Variants in DYNLRB1 observed in about 807,000 individuals in gnomAD.
DYNLRB1 encodes the protein dynein light chain roadblock-type 1, also known as ROBL/LC7-like 1.
DYNLRB1 carries 6 observed loss-of-function variants against 13.5 expected under a neutral mutation model. The ratio of observed to expected loss-of-function variants is 0.44; its 90% CI spans 0.24 to 0.88. The LOEUF (loss-of-function observed/expected upper bound fraction) is 0.88, where lower values mean the gene tolerates loss of function less well. DYNLRB1 is among the 40% of genes least tolerant of loss of function. The pLI is 0.21. For missense variants in DYNLRB1, 93 were observed against 127.2 expected (o/e 0.73, Z 1.29); for synonymous variants, 43 against 45.0 (o/e 0.96, Z 0.18).
intron 2 of DYNLRB1, chr20:34,530,307 C>T: frequency 1.0e-6 from 1 of 1,000,906 alleles, no homozygotes. Context: ...CAGAATGAGC[C>T]CACCTGGCTT....
intron 3 of DYNLRB1, chr20:34,536,141 AT>A: frequency 1.0e-6 from 1 of 985,462 alleles, no homozygotes; most frequent in Non-Finnish European, 1.2e-6. Flanking sequence ...TCCAGAGTCT[AT>A]TATTCCAAAA....
At chr20:34,523,328 C>G (rs533144243) in intron 1 of DYNLRB1, among the ~76,000 whole-genome samples, 1 of 152,316 alleles carries the variant, frequency 6.6e-6, no homozygotes, top group Admixed American at 6.5e-5. Flanking sequence ...TTGGAAGCAT[C>G]AGGTCTTGTC....
intron 2 of DYNLRB1, among the ~76,000 whole-genome samples, chr20:34,528,697 G>A (rs1240980505): frequency 2.6e-5 from 4 of 152,194 alleles, no homozygotes; most frequent in Non-Finnish European, 4.4e-5. Context: ...TGGGCGTGGT[G>A]CATGGTTGCT....
chr20:34,528,576 G>A (rs1980445127), intron 2 of DYNLRB1, among the ~76,000 whole-genome samples: 1 of 152,116 alleles, frequency 6.6e-6, no homozygotes, highest in African/African-American at 2.4e-5. Flanking sequence ...CCTTTGATTT[G>A]GTAATTCTTG....
chr20:34,532,674 G>A (rs1482688609), intron 2 of DYNLRB1, among the ~76,000 whole-genome samples: 1 of 152,214 alleles, frequency 6.6e-6, no homozygotes, highest in Non-Finnish European at 1.5e-5. Context: ...TGGCCATCCA[G>A]GAGCCAGCAG....
chr20:34,529,729 CAA>C (rs111373342), intron 2 of DYNLRB1: 10,383 of 783,772 alleles, frequency 0.013, no homozygotes, highest in East Asian at 0.022. Context: ...AACTCGGTCT[CAA>C]AAAAAAAAAA....
chr20:34,529,745 A>AAGG, intron 2 of DYNLRB1: 1 of 1,068,478 alleles, frequency 9.4e-7, no homozygotes. Context: ...AAAAAAAAAA[A>AAGG]TGTTGATTTC....
In DYNLRB1 at chr20:34,540,598, A is replaced by G. The variant is rs1981500877; in HGVS notation, c.265A>G (p.Ile89Val). 1 of 1,613,518 alleles carries G rather than the reference A, an allele frequency of 6.2e-7. No homozygotes were observed. Among genetic ancestry groups the G allele is most frequent in the Admixed American group, 1.7e-5 (1 of 59,954 alleles). ...MVAPDKDYFLIVIQNPTE is the reference protein window; with the variant it reads ...MVAPDKDYFLVVIQNPTE ...TTTTGCAGATAAAGACTATTTCCTGATTGTGATTCAGAATCCAACCGAATA... is the reference window on the plus strand; with the variant it reads ...TTTTGCAGATAAAGACTATTTCCTGGTTGTGATTCAGAATCCAACCGAATA... The change falls in exon 4 of 4, where the codon ATT becomes GTT. Residue 89 changes from isoleucine to valine, a missense_variant. Ile to Val is a conservative substitution (Grantham distance 29). Transcript: ENST00000357156.
At chr20:34,533,140 A>G (rs1227046326) in intron 2 of DYNLRB1, among the ~76,000 whole-genome samples, 1 of 152,224 alleles carries the variant, frequency 6.6e-6, no homozygotes, top group East Asian at 1.9e-4. Context: ...CCTCTGTGAC[A>G]GTAGGCACCG....
intron 2 of DYNLRB1, among the ~76,000 whole-genome samples, chr20:34,529,096 C>G (rs1980495763): frequency 1.3e-5 from 2 of 152,192 alleles, no homozygotes; most frequent in African/African-American, 4.8e-5. Context: ...GGAAGTGGTA[C>G]AGCAGTGCCT....
intron 2 of DYNLRB1, among the ~76,000 whole-genome samples, chr20:34,528,754 T>C (rs568862108): frequency 6.6e-6 from 1 of 152,168 alleles, no homozygotes; most frequent in East Asian, 1.9e-4. Context: ...GACGATTGCT[T>C]GAGCCAAGGG....
At chr20:34,536,533 T>G (rs1981155148) in intron 3 of DYNLRB1, 1 of 957,476 alleles carries the variant, frequency 1.0e-6, no homozygotes, top group Non-Finnish European at 1.2e-6. Flanking sequence ...GATCACAAGG[T>G]CAGGAGTTCA....
chr20:34,519,686 G>GT (rs1261619951), intron 1 of DYNLRB1, among the ~76,000 whole-genome samples: 12 of 152,106 alleles, frequency 7.9e-5, no homozygotes, highest in Non-Finnish European at 1.3e-4. Context: ...GTGGTGTATA[G>GT]TTTTTTTATT....
chr20:34,516,145 T>G (rs987857191), upstream of DYNLRB1, among the ~76,000 whole-genome samples: 2 of 152,226 alleles, frequency 1.3e-5, no homozygotes, highest in Admixed American at 1.3e-4. Flanking sequence ...TCCTTCCGAC[T>G]CGGCCTCCCA....
intron 2 of DYNLRB1, among the ~76,000 whole-genome samples, chr20:34,531,515 T>G (rs1980712058): frequency 6.6e-6 from 1 of 152,252 alleles, no homozygotes; most frequent in Admixed American, 6.5e-5. Flanking sequence ...TCTTTTGTTT[T>G]TGGAGTGAGC....
intron 1 of DYNLRB1, among the ~76,000 whole-genome samples, chr20:34,517,598 A>C (rs1979346407): frequency 6.6e-6 from 1 of 151,362 alleles, no homozygotes; most frequent in African/African-American, 2.4e-5. Context: ...TTATTATAGA[A>C]TATCCATCAC....
intron 1 of DYNLRB1, among the ~76,000 whole-genome samples, chr20:34,520,531 C>T (rs1979629733): frequency 1.3e-5 from 2 of 152,200 alleles, no homozygotes; most frequent in Admixed American, 1.3e-4. Context: ...ACTGCAACCT[C>T]TGCCTCCCAG....
intron 1 of DYNLRB1, among the ~76,000 whole-genome samples, chr20:34,520,022 A>G (rs1343970678): frequency 6.6e-6 from 1 of 152,156 alleles, no homozygotes; most frequent in Non-Finnish European, 1.5e-5. Context: ...CCAGCTGCTC[A>G]GGAGGCTGAG....
intron 2 of DYNLRB1, chr20:34,526,651 C>A: frequency 2.7e-6 from 1 of 367,028 alleles, no homozygotes; most frequent in Non-Finnish European, 5.1e-6. Flanking sequence ...AATCCCACCA[C>A]CCTGACAGAT....
Sources: allele counts gnomAD v4.1 joint callset (sites outside exome capture counted in the v4.1 genomes callset), GRCh38; gene constraint gnomAD v4.1.1; transcripts MANE v1.5; gene names NCBI Gene and HGNC (gene_info 2026-07-23, HGNC 2026-07-21).